Variants in PTPRG observed in about 807,000 individuals in gnomAD.
PTPRG encodes the protein receptor-type tyrosine-protein phosphatase gamma.
Under a neutral mutation model 165.3 loss-of-function variants are expected in PTPRG, and 102 were observed. The ratio of observed to expected loss-of-function variants is 0.62; its 90% CI spans 0.53 to 0.73. The LOEUF is 0.73. Ranked by LOEUF, PTPRG falls within the 30% of genes least tolerant of loss-of-function variation. The probability of loss-of-function intolerance (pLI) is 0.00; values close to 1 mark genes in which losing one functional copy is unlikely to be tolerated. For missense variants in PTPRG, 1,866 were observed against 1,861.4 expected, an observed-to-expected ratio of 1.00 and a Z score of -0.05; for synonymous variants, 675 against 669.5, an observed-to-expected ratio of 1.01 and a Z score of -0.13.
At chr3:61,898,949 C>T (rs2038430653) in intron 2 of PTPRG, among the ~76,000 whole-genome samples, 1 of 152,146 alleles carries the variant, frequency 6.6e-6, no homozygotes, top group Non-Finnish European at 1.5e-5. Context: ...CACTCTGTCA[C>T]CCAGGCTGGA....
intron 14 of PTPRG, among the ~76,000 whole-genome samples, chr3:62,238,983 C>G (rs1338394600): frequency 1.3e-5 from 2 of 152,130 alleles, no homozygotes; most frequent in African/African-American, 4.8e-5. Flanking sequence ...TCTTAAAGGG[C>G]ACAGACAGCA....
intron 4 of PTPRG, among the ~76,000 whole-genome samples, chr3:62,041,963 C>G (rs539138489): frequency 1.3e-5 from 2 of 152,266 alleles, no homozygotes; most frequent in Admixed American, 6.5e-5. Flanking sequence ...TCATAATCAT[C>G]CTTGTTTAAT....
At chr3:61,759,625 G>C (rs139188002) in intron 2 of PTPRG, among the ~76,000 whole-genome samples, 12 of 152,200 alleles carry the variant, frequency 7.9e-5, no homozygotes, top group African/African-American at 2.4e-4. Flanking sequence ...TGCATTCCCA[G>C]CCTGCGTGGC....
chr3:61,938,850 A>G (rs2039543194), intron 2 of PTPRG, among the ~76,000 whole-genome samples: 2 of 152,246 alleles, frequency 1.3e-5, no homozygotes, highest in African/African-American at 4.8e-5. Flanking sequence ...TTCACTATTC[A>G]ATATCCAGGT....
chr3:62,222,914 G>T lies in PTPRG; in HGVS notation c.2288+3931G>T, dbSNP rs757039099. On this transcript the variant is annotated intron_variant, in intron 13 of 29. Coordinates refer to ENST00000474889, the MANE Select transcript of PTPRG (RefSeq NM_002841.4). This position sits in a 1 kb window ranked among gnomAD's most constrained non-coding sequence, Gnocchi z 4.5. ...TGAGTATGGGGAGTATTTGGAGAAG[G>T]ATAAATCCAAGTTGCTATAACAGCA... 2.6e-5 allele frequency among the ~76,000 whole-genome samples: 4 copies of T among 152,114 alleles called. No individual in the cohort carries two copies. Among genetic ancestry groups the T allele is most frequent in the Non-Finnish European group, 5.9e-5 (4 of 68,022 alleles).
chr3:61,953,653 A>T (rs1389395124), intron 2 of PTPRG, among the ~76,000 whole-genome samples: 1 of 152,088 alleles, frequency 6.6e-6, no homozygotes, highest in Non-Finnish European at 1.5e-5. Context: ...AATTAACATA[A>T]TTTCTAGCCC....
intron 2 of PTPRG, among the ~76,000 whole-genome samples, chr3:61,910,961 C>CCT (rs778613637): frequency 6.6e-6 from 1 of 152,176 alleles, no homozygotes; most frequent in African/African-American, 2.4e-5. Flanking sequence ...CCACAGAAGA[C>CCT]CTCTGCCTTA....
At chr3:61,932,313 A>G (rs2039381204) in intron 2 of PTPRG, among the ~76,000 whole-genome samples, 1 of 152,210 alleles carries the variant, frequency 6.6e-6, no homozygotes, top group Admixed American at 6.5e-5. Flanking sequence ...TCGGTGTTGA[A>G]CACAACAGAC....
intron 1 of PTPRG, among the ~76,000 whole-genome samples, chr3:61,653,366 C>T (rs1447026865): frequency 6.6e-6 from 1 of 151,842 alleles, no homozygotes; most frequent in Non-Finnish European, 1.5e-5. Flanking sequence ...TATTTGTCTC[C>T]TGTTCCTTGT....
intron 1 of PTPRG, among the ~76,000 whole-genome samples, chr3:61,580,378 C>G (rs1446955745): frequency 6.8e-6 from 1 of 147,242 alleles, no homozygotes; most frequent in Admixed American, 7.1e-5. Context: ...CAACTCTATT[C>G]TGATTTTTTT....
Position 62,273,784 on chromosome 3 carries a change from T to C in PTPRG, c.3405T>C (p.Tyr1135=). The C allele has an allele frequency of 6.2e-7, 1 of 1,613,848 alleles. No homozygotes were observed. The highest frequency in any genetic ancestry group is 1.7e-5 in the Admixed American group (1 of 59,994). Residue 1135 remains tyrosine (Y), a synonymous_variant, in exon 23 of 30, where the codon TAT becomes TAC. Coordinates refer to ENST00000474889, the MANE Select transcript of PTPRG (RefSeq NM_002841.4). The surrounding 1 kb of genome is among the most constrained non-coding windows in gnomAD (Gnocchi z 4.1). ...TATCTTCAAATCAGCTGCACAGCTATGTTAACAGCATCCTTATACCAGGAG... is the reference window on the plus strand; with the variant it reads ...TATCTTCAAATCAGCTGCACAGCTACGTTAACAGCATCCTTATACCAGGAG... The part of the protein sequence containing the change: ...TEVSSNQLHS[Y]VNSILIPGVG...
At chr3:61,990,465 G>A (rs917470970) in intron 3 of PTPRG, among the ~76,000 whole-genome samples, 1 of 152,210 alleles carries the variant, frequency 6.6e-6, no homozygotes, top group Non-Finnish European at 1.5e-5. Context: ...TGGGATTTGT[G>A]AATATGCAGC....
intron 1 of PTPRG, among the ~76,000 whole-genome samples, chr3:61,647,308 T>G (rs972012656): frequency 6.6e-6 from 1 of 152,204 alleles, no homozygotes; most frequent in Non-Finnish European, 1.5e-5. Flanking sequence ...AAAGAGGAAT[T>G]GCAGTTTTCT....
chr3:61,650,019 G>A (rs1464565206), intron 1 of PTPRG, among the ~76,000 whole-genome samples: 1 of 152,076 alleles, frequency 6.6e-6, no homozygotes, highest in Non-Finnish European at 1.5e-5. Context: ...ACCTAATAAG[G>A]GGAGTCTCTG....
At chr3:62,182,106 T>A (rs2106777927) in intron 8 of PTPRG, among the ~76,000 whole-genome samples, 1 of 152,348 alleles carries the variant, frequency 6.6e-6, no homozygotes, top group East Asian at 1.9e-4. Flanking sequence ...TATTTACTGT[T>A]CATTAAATGG....
chr3:61,946,458 G>A lies in PTPRG; in HGVS notation c.191-43167G>A, dbSNP rs1575812701. 5.3e-5 allele frequency among the ~76,000 whole-genome samples: 8 copies of A among 152,312 alleles called. 1 individual carries two copies. The highest frequency in any genetic ancestry group is 5.2e-4 in the Admixed American group (8 of 15,306). ...GACTTAGGTTCTAATTAAGAAGACT[G>A]AAAGAAGAGCATCAAACCCCACAGC... On this transcript the variant is annotated intron_variant, in intron 2 of 29. Coordinates refer to ENST00000474889, the MANE Select transcript of PTPRG (RefSeq NM_002841.4).
chr3:62,236,816 T>C (rs973285842), intron 14 of PTPRG, among the ~76,000 whole-genome samples: 16 of 152,186 alleles, frequency 1.1e-4, no homozygotes, highest in African/African-American at 3.4e-4. Context: ...GTCATGATGT[T>C]GTTCAGGGCA....
chr3:61,924,934 T>A (rs1229143991), intron 2 of PTPRG, among the ~76,000 whole-genome samples: 2 of 152,156 alleles, frequency 1.3e-5, no homozygotes, highest in Admixed American at 1.3e-4. Context: ...ATAAATGGGA[T>A]TATTGCCTTT....
intron 2 of PTPRG, among the ~76,000 whole-genome samples, chr3:61,783,314 TG>T: frequency 6.6e-6 from 1 of 152,234 alleles, no homozygotes; most frequent in African/African-American, 2.4e-5. Context: ...CACTCCAACC[TG>T]GGTGACAGAG....
Sources: gnomAD v4.1 joint callset for allele counts (sites outside exome capture counted in the v4.1 genomes callset) on GRCh38, gnomAD v4.1.1 for gene constraint, Gnocchi (gnomAD v3.1) non-coding constraint, MANE v1.5 for transcripts, NCBI Gene and HGNC (gene_info 2026-07-23, HGNC 2026-07-21) for gene names.